PRORP: variants seen among roughly 807,000 people sequenced by gnomAD.
PRORP encodes the protein mitochondrial ribonuclease P catalytic subunit.
PRORP carries 51 observed loss-of-function variants against 59.4 expected under a neutral mutation model. That is an observed-to-expected ratio of 0.86 (90% CI 0.69 to 1.08). The LOEUF (loss-of-function observed/expected upper bound fraction) is 1.08, where lower values mean the gene tolerates loss of function less well. Ranked by LOEUF, PRORP falls within the 50% of genes least tolerant of loss-of-function variation. PRORP has a pLI of 0.00. For synonymous variants in PRORP, 231 were observed against 245.6 expected, an observed-to-expected ratio of 0.94 and a Z score of 0.55; for missense variants, 646 against 690.3, an observed-to-expected ratio of 0.94 and a Z score of 0.72.
chr14:35,252,027 C>T (rs2050628471), intron 5 of PRORP, among the ~76,000 whole-genome samples: 1 of 152,092 alleles, frequency 6.6e-6, no homozygotes, highest in Non-Finnish European at 1.5e-5. Context: ...GGAATAGTAT[C>T]TCCAATTACT....
intron 5 of PRORP, among the ~76,000 whole-genome samples, chr14:35,197,193 TA>T (rs2049029784): frequency 6.6e-6 from 1 of 152,192 alleles, no homozygotes; most frequent in South Asian, 2.1e-4. Context: ...GTCTGTGTGA[TA>T]ACCATTTAGG....
chr14:35,254,998 A>C (rs1315859575), intron 5 of PRORP, among the ~76,000 whole-genome samples: 1 of 151,986 alleles, frequency 6.6e-6, no homozygotes, highest in Non-Finnish European at 1.5e-5. Context: ...CTCTGTGGTG[A>C]CTTCCCTGAC....
chr14:35,258,515 G>A lies in PRORP; in HGVS notation c.1276-8212G>A, dbSNP rs111282733. ...CCCAAATCAGAAGAGAGAAAAAAAAGAATTCTAAGATGATAAGTCTGACTT... is the reference window on the plus strand; with the variant it reads ...CCCAAATCAGAAGAGAGAAAAAAAAAAATTCTAAGATGATAAGTCTGACTT... On this transcript the variant is annotated intron_variant, in intron 5 of 7. Coordinates refer to ENST00000534898, the MANE Select transcript of PRORP (RefSeq NM_014672.4). Among the ~76,000 whole-genome samples the A allele has an allele frequency of 3.9e-5, 6 of 152,202 alleles. 1 individual carries two copies. Among genetic ancestry groups the A allele is most frequent in the African/African-American group, 1.4e-4 (6 of 41,540 alleles).
intron 5 of PRORP, among the ~76,000 whole-genome samples, chr14:35,182,259 A>C (rs2415273): frequency 0.59 from 89,159 of 151,634 alleles, 26,325 homozygotes; most frequent in East Asian, 0.69. Context: ...AAACAAGACT[A>C]CATCTCAAAA....
intron 5 of PRORP, among the ~76,000 whole-genome samples, chr14:35,191,819 A>G (rs1005217606): frequency 2.0e-5 from 3 of 152,104 alleles, no homozygotes; most frequent in African/African-American, 7.2e-5. Context: ...GCCAGCCACA[A>G]TTACTCTTTC....
chr14:35,259,993 GTTTTT>G (rs557378360), intron 5 of PRORP, among the ~76,000 whole-genome samples: 3 of 81,308 alleles, frequency 3.7e-5, no homozygotes, highest in Non-Finnish European at 6.8e-5. Flanking sequence ...GGTTTTTCGG[GTTTTT>G]TTTTTTTTTT....
At chr14:35,249,933 G>A (rs1290925838) in intron 5 of PRORP, among the ~76,000 whole-genome samples, 1 of 152,100 alleles carries the variant, frequency 6.6e-6, no homozygotes, top group Non-Finnish European at 1.5e-5. Context: ...CCTCCCTGGT[G>A]TGCACACTCA....
intron 4 of PRORP, among the ~76,000 whole-genome samples, chr14:35,139,187 G>A (rs1439068707): frequency 1.4e-5 from 2 of 145,664 alleles, no homozygotes; most frequent in African/African-American, 4.9e-5. Flanking sequence ...GAGCTCCTGG[G>A]CTCAAGTGAT....
At chr14:35,154,014 C>G (rs2047849081) in intron 4 of PRORP, among the ~76,000 whole-genome samples, 1 of 152,178 alleles carries the variant, frequency 6.6e-6, no homozygotes, top group South Asian at 2.1e-4. Context: ...AAAGTTACTT[C>G]AGCACTTTCG....
chr14:35,171,607 A>G (rs2048313912), intron 4 of PRORP, among the ~76,000 whole-genome samples: 1 of 152,022 alleles, frequency 6.6e-6, no homozygotes. Flanking sequence ...TTTTACTATG[A>G]TGTGCCTAGT....
rs1421330814 is a variant in PRORP, at chr14:35,132,719, GGA to G, written c.1167+5110_1167+5111del. Among the ~76,000 whole-genome samples the G allele has an allele frequency of 9.3e-5, 14 of 151,222 alleles. 1 individual carries two copies. The East Asian group carries it at 9.8e-4, about 11-fold the overall frequency. The stretch of plus-strand genomic sequence containing the variant: ...GGGGAATCATTTGAACCCGTGAAGC[GGA>G]GGTTGTAGTGAGCCAAGATTGCGCC... On this transcript the variant is annotated intron_variant, in intron 4 of 7. Transcript: ENST00000534898.
chr14:35,207,538 C>T (rs930131301), intron 5 of PRORP, among the ~76,000 whole-genome samples: 1 of 152,172 alleles, frequency 6.6e-6, no homozygotes, highest in Admixed American at 6.5e-5. Context: ...TTGCTACAGC[C>T]TTCCTGTTTC....
chr14:35,226,511 C>T (rs1464526492), intron 5 of PRORP, among the ~76,000 whole-genome samples: 1 of 152,136 alleles, frequency 6.6e-6, no homozygotes, highest in East Asian at 1.9e-4. Flanking sequence ...GGAAAAGGGG[C>T]TGACTCCACT....
chr14:35,203,015 T>C (rs2049196447), intron 5 of PRORP, among the ~76,000 whole-genome samples: 1 of 152,216 alleles, frequency 6.6e-6, no homozygotes, highest in South Asian at 2.1e-4. Context: ...GTTTTTGATA[T>C]TATGTATTTG....
At chr14:35,135,779 A>G (rs1807161) in intron 4 of PRORP, among the ~76,000 whole-genome samples, 61,016 of 151,590 alleles carry the variant, frequency 0.4, 12,449 homozygotes, top group African/African-American at 0.47. Context: ...GCAATATGGG[A>G]AAACCCCGTC....
intron 4 of PRORP, among the ~76,000 whole-genome samples, chr14:35,153,840 A>C (rs1330185879): frequency 1.3e-5 from 2 of 152,212 alleles, no homozygotes; most frequent in Non-Finnish European, 2.9e-5. Flanking sequence ...TTCTTAGAGA[A>C]ATTTAAGAGG....
intron 5 of PRORP, among the ~76,000 whole-genome samples, chr14:35,224,347 G>A (rs1595341622): frequency 6.6e-6 from 1 of 152,108 alleles, no homozygotes; most frequent in Admixed American, 6.6e-5. Context: ...TATTCATTTA[G>A]AACTTGCTGT....
At chr14:35,137,756 A>G (rs2047405476) in intron 4 of PRORP, among the ~76,000 whole-genome samples, 2 of 145,086 alleles carry the variant, frequency 1.4e-5, no homozygotes, top group African/African-American at 4.9e-5. Flanking sequence ...TGTTGGTTAG[A>G]TGTGGCACAT....
rs190080053 is a variant in PRORP at position 35,240,871 on chromosome 14, T to C, written c.1276-25856T>C. Among the ~76,000 whole-genome samples, 6 of 152,314 alleles carry C rather than the reference T, an allele frequency of 3.9e-5. No homozygotes were observed. The East Asian group carries it at 5.8e-4, about 15-fold the overall frequency. On this transcript the variant is annotated intron_variant, in intron 5 of 7. Coordinates refer to ENST00000534898, the MANE Select transcript of PRORP (RefSeq NM_014672.4). ...TGTGGCTGACCAAATTGAGATGTGC[T>C]GTGTGAAATAGCCCTCCATATTTGT...
Sources: gnomAD v4.1 joint callset for allele counts (sites outside exome capture counted in the v4.1 genomes callset) on GRCh38, gnomAD v4.1.1 for gene constraint, MANE v1.5 for transcripts, NCBI Gene and HGNC (gene_info 2026-07-23, HGNC 2026-07-21) for gene names.